Variants in ZNF385B observed in about 807,000 individuals in gnomAD.
ZNF385B encodes the protein zinc finger protein 385B.
In ZNF385B, 23 loss-of-function variants were observed where a neutral mutation model predicts 39.2. The ratio of observed to expected loss-of-function variants is 0.59; its 90% CI spans 0.42 to 0.83. ZNF385B has a LOEUF of 0.83. ZNF385B is among the 40% of genes least tolerant of loss of function. ZNF385B has a pLI of 0.00. For synonymous variants in ZNF385B, 205 were observed against 222.6 expected (o/e 0.92, Z 0.70); for missense variants, 552 against 598.9 (o/e 0.92, Z 0.82).
At chr2:179,750,077 T>C (rs997638537) in intron 3 of ZNF385B, among the ~76,000 whole-genome samples, 3 of 152,124 alleles carry the variant, frequency 2.0e-5, no homozygotes, top group African/African-American at 7.2e-5. Flanking sequence ...TTGACAGTTT[T>C]TAACCACATG....
chr2:179,627,263 T>C (rs1358712566), intron 3 of ZNF385B, among the ~76,000 whole-genome samples: 1 of 152,166 alleles, frequency 6.6e-6, no homozygotes, highest in East Asian at 1.9e-4. Context: ...ATTCCCTTCA[T>C]TTGAAACTTT....
intron 3 of ZNF385B, among the ~76,000 whole-genome samples, chr2:179,759,634 C>T (rs1703247654): frequency 6.6e-6 from 1 of 152,156 alleles, no homozygotes; most frequent in Non-Finnish European, 1.5e-5. Flanking sequence ...TGAAACTCAT[C>T]TTTGAGTACT....
chr2:179,466,939 AAAAAAG>A, intron 6 of ZNF385B, among the ~76,000 whole-genome samples: 1 of 148,818 alleles, frequency 6.7e-6, no homozygotes, highest in African/African-American at 2.5e-5. Flanking sequence ...AAAAAAAAAA[AAAAAAG>A]AGAGAGAGAA....
At chr2:179,575,355 TA>T (rs1399494280) in intron 3 of ZNF385B, among the ~76,000 whole-genome samples, 1 of 152,192 alleles carries the variant, frequency 6.6e-6, no homozygotes, top group Non-Finnish European at 1.5e-5. Flanking sequence ...CAGAATTATA[TA>T]TTTCAACTAT....
At position 179,697,403 on chromosome 2, in the gene ZNF385B, T is replaced by C. The variant is rs116383419; in HGVS notation, c.298+72100A>G. ...AATGGTAGTTTTTCCTGTGCTGTCA[T>C]GCACTTCTCCTTCCTGCTGCCTTGG... On this transcript the variant is annotated intron_variant, in intron 3 of 9. Coordinates refer to ENST00000410066, the MANE Select transcript of ZNF385B (RefSeq NM_152520.6). Among the ~76,000 whole-genome samples, 374 of 152,338 alleles carry C rather than the reference T, an allele frequency of 2.5e-3. 1 individual carries two copies. The highest frequency in any genetic ancestry group is 4.4e-3 in the Non-Finnish European group (299 of 68,024).
At chr2:179,745,063 T>C (rs572478436) in intron 3 of ZNF385B, among the ~76,000 whole-genome samples, 1 of 152,172 alleles carries the variant, frequency 6.6e-6, no homozygotes, top group Non-Finnish European at 1.5e-5. Flanking sequence ...ATCTGCTACA[T>C]TTAAAGCATC....
At chr2:179,732,692 G>A (rs897133451) in intron 3 of ZNF385B, among the ~76,000 whole-genome samples, 3 of 152,106 alleles carry the variant, frequency 2.0e-5, no homozygotes, top group Admixed American at 1.3e-4. Flanking sequence ...AGAAGCAAGA[G>A]AATTCATCAT....
chr2:179,596,431 A>G (rs1026371828), intron 3 of ZNF385B, among the ~76,000 whole-genome samples: 2 of 152,160 alleles, frequency 1.3e-5, no homozygotes, highest in African/African-American at 4.8e-5. Flanking sequence ...TTCTGCTGAT[A>G]TAATTTTCTC....
At chr2:179,643,703 G>T (rs117939481) in intron 3 of ZNF385B, among the ~76,000 whole-genome samples, 1 of 152,106 alleles carries the variant, frequency 6.6e-6, no homozygotes, top group Non-Finnish European at 1.5e-5. Context: ...GTTGCCAAGG[G>T]TGAGGGATGG....
chr2:179,539,514 A>T (rs2059786257), intron 4 of ZNF385B, among the ~76,000 whole-genome samples: 1 of 152,196 alleles, frequency 6.6e-6, no homozygotes, highest in Non-Finnish European at 1.5e-5. Flanking sequence ...GTAAGTATTC[A>T]ATTTATTTCA....
At chr2:179,684,754 A>G (rs562976212) in intron 3 of ZNF385B, among the ~76,000 whole-genome samples, 44 of 152,362 alleles carry the variant, frequency 2.9e-4, no homozygotes, top group African/African-American at 1.0e-3. Context: ...TACCTAGTTC[A>G]TCCACAATAA....
At chr2:179,845,436 G>A (rs1453725995) in intron 1 of ZNF385B, among the ~76,000 whole-genome samples, 5 of 152,162 alleles carry the variant, frequency 3.3e-5, no homozygotes, top group African/African-American at 1.2e-4. Flanking sequence ...GTTCAACCCA[G>A]GGTACTCTGC....
intron 5 of ZNF385B, among the ~76,000 whole-genome samples, chr2:179,506,533 T>C (rs13010423): frequency 0.068 from 10,401 of 152,198 alleles, 410 homozygotes; most frequent in South Asian, 0.11. Flanking sequence ...ATAATTTTGA[T>C]TGTATTAAAA....
intron 1 of ZNF385B, among the ~76,000 whole-genome samples, chr2:179,794,887 C>T (rs570794924): frequency 1.3e-5 from 2 of 152,070 alleles, no homozygotes; most frequent in South Asian, 4.2e-4. Context: ...GGTGGAGATA[C>T]ATCTGGGGGT....
chr2:179,601,550 G>A (rs1041721595), intron 3 of ZNF385B, among the ~76,000 whole-genome samples: 1 of 152,098 alleles, frequency 6.6e-6, no homozygotes, highest in Non-Finnish European at 1.5e-5. Flanking sequence ...CTGGCATTGT[G>A]TATAAAATAG....
chr2:179,593,581 A>G (rs1687752953), intron 3 of ZNF385B, among the ~76,000 whole-genome samples: 1 of 152,186 alleles, frequency 6.6e-6, no homozygotes. Flanking sequence ...CCCAAAAGAT[A>G]ACATAGTTCT....
chr2:179,576,862 G>A (rs1685881032), intron 3 of ZNF385B, among the ~76,000 whole-genome samples: 1 of 152,096 alleles, frequency 6.6e-6, no homozygotes, highest in South Asian at 2.1e-4. Context: ...CAAACACAGG[G>A]TAAGTCCAAT....
intron 1 of ZNF385B, among the ~76,000 whole-genome samples, chr2:179,801,368 G>A (rs912401626): frequency 6.6e-6 from 1 of 152,004 alleles, no homozygotes; most frequent in Non-Finnish European, 1.5e-5. Context: ...AATGTTCCCA[G>A]TAACTTCCCC....
At chr2:179,728,049 A>T (rs17823653) in intron 3 of ZNF385B, among the ~76,000 whole-genome samples, 17,879 of 152,134 alleles carry the variant, frequency 0.12, 1,267 homozygotes, top group Non-Finnish European at 0.16. Flanking sequence ...AATGTAGCTC[A>T]TTCCCATTCC....
Sources: allele counts gnomAD v4.1 joint callset (sites outside exome capture counted in the v4.1 genomes callset), GRCh38; gene constraint gnomAD v4.1.1; transcripts MANE v1.5; gene names NCBI Gene and HGNC (gene_info 2026-07-23, HGNC 2026-07-21).